Variants in NELL1 observed in about 807,000 individuals in gnomAD.
The protein encoded by NELL1 is protein kinase C-binding protein NELL1.
A neutral mutation model predicts 107.4 loss-of-function variants in NELL1; 76 were observed. That is an observed-to-expected ratio of 0.71 (90% CI 0.59 to 0.86). NELL1 has a LOEUF of 0.86. Among genes scored for constraint, NELL1 ranks in the 40% least tolerant of loss-of-function variants. The probability of loss-of-function intolerance (pLI) is 0.00; values close to 1 mark genes in which losing one functional copy is unlikely to be tolerated. For missense variants in NELL1, 1,024 were observed against 1,005.5 expected (o/e 1.02, Z -0.25); for synonymous variants, 353 against 341.2 (o/e 1.03, Z -0.38).
At chr11:21,558,672 G>A (rs953333575) in intron 16 of NELL1, among the ~76,000 whole-genome samples, 4 of 151,992 alleles carry the variant, frequency 2.6e-5, no homozygotes, top group Admixed American at 2.0e-4. Flanking sequence ...TGGGTATAGT[G>A]TATATAGAAG....
chr11:21,198,435 G>A (rs1232291190), intron 13 of NELL1, among the ~76,000 whole-genome samples: 2 of 152,176 alleles, frequency 1.3e-5, no homozygotes, highest in African/African-American at 4.8e-5. Context: ...ATAGGGACTG[G>A]GAGATATTAT....
intron 12 of NELL1, among the ~76,000 whole-genome samples, chr11:21,066,088 T>A (rs944118405): frequency 6.6e-6 from 1 of 152,220 alleles, no homozygotes; most frequent in Non-Finnish European, 1.5e-5. Context: ...TGTTCTTTTG[T>A]GCCCATTTGC....
chr11:21,205,001 A>G (rs1278787418), intron 13 of NELL1, among the ~76,000 whole-genome samples: 1 of 152,086 alleles, frequency 6.6e-6, no homozygotes, highest in African/African-American at 2.4e-5. Context: ...CCAGAGGGGT[A>G]CCCAACATAT....
chr11:20,781,074 A>C (rs905247068), intron 2 of NELL1, among the ~76,000 whole-genome samples: 1 of 152,176 alleles, frequency 6.6e-6, no homozygotes, highest in African/African-American at 2.4e-5. Flanking sequence ...GGCAGTATGG[A>C]AGCAGGAAGG....
chr11:21,575,281 TA>T lies in NELL1; in HGVS notation c.*262del, dbSNP rs1349192392. ...TTGTTAAAAGAAGTTTCCCGTGTTG[TA>T]AATCATGTTTCCCTTATCAGATCAT... On this transcript the variant is annotated 3_prime_UTR_variant, in exon 20 of 20. Transcript: ENST00000357134. The T allele has an allele frequency of 2.3e-6, 1 of 426,014 alleles. No individual in the cohort carries two copies. The highest frequency in any genetic ancestry group is 2.0e-5 in the African/African-American group (1 of 50,562). The allele number at this position is 426,014 out of a possible 1,614,324, so 26.4% of individuals were successfully genotyped here.
At chr11:21,454,017 C>T (rs1243434876) in intron 15 of NELL1, among the ~76,000 whole-genome samples, 21 of 147,864 alleles carry the variant, frequency 1.4e-4, no homozygotes, top group Non-Finnish European at 2.2e-4. Flanking sequence ...CATGCTGGTG[C>T]GCTGCACCCA....
chr11:21,236,810 C>A (rs1339975166), intron 14 of NELL1, among the ~76,000 whole-genome samples: 1 of 152,058 alleles, frequency 6.6e-6, no homozygotes, highest in Non-Finnish European at 1.5e-5. Context: ...ACGGTCAAGA[C>A]AACATGGGGG....
chr11:21,468,839 C>G (rs1854099705), intron 15 of NELL1, among the ~76,000 whole-genome samples: 1 of 151,958 alleles, frequency 6.6e-6, no homozygotes, highest in Non-Finnish European at 1.5e-5. Flanking sequence ...AGCAGGTTTG[C>G]AGAACACAGT....
intron 2 of NELL1, among the ~76,000 whole-genome samples, chr11:20,782,041 A>G (rs1261109919): frequency 1.3e-5 from 1 of 77,446 alleles, no homozygotes; most frequent in Non-Finnish European, 2.5e-5. Flanking sequence ...CCCTCATCTC[A>G]AAAAAAAAAA....
intron 14 of NELL1, among the ~76,000 whole-genome samples, chr11:21,271,726 C>T (rs766649991): frequency 5.1e-4 from 78 of 152,086 alleles, no homozygotes; most frequent in Admixed American, 4.2e-3. Context: ...AAATTCTCAA[C>T]AAAATATTAG....
chr11:20,986,636 T>C (rs1189488765), intron 12 of NELL1, among the ~76,000 whole-genome samples: 1 of 152,184 alleles, frequency 6.6e-6, no homozygotes, highest in Non-Finnish European at 1.5e-5. Context: ...TTCTAACAAG[T>C]TCCCAGAAGA....
chr11:21,406,776 C>A (rs1186891164), intron 15 of NELL1, among the ~76,000 whole-genome samples: 1 of 151,916 alleles, frequency 6.6e-6, no homozygotes, highest in Admixed American at 6.6e-5. Flanking sequence ...ATAATCATAT[C>A]AGAGTATTTA....
At chr11:21,171,005 C>G (rs1038110487) in intron 13 of NELL1, among the ~76,000 whole-genome samples, 3 of 151,820 alleles carry the variant, frequency 2.0e-5, no homozygotes, top group African/African-American at 7.3e-5. Flanking sequence ...AGAGACCATC[C>G]TACATGCAGG....
At chr11:20,799,831 T>C (rs1181212300) in intron 3 of NELL1, among the ~76,000 whole-genome samples, 1 of 152,158 alleles carries the variant, frequency 6.6e-6, no homozygotes, top group Non-Finnish European at 1.5e-5. Flanking sequence ...ATCCAATAGG[T>C]AGTTTTTTTA....
chr11:21,513,966 C>G (rs1855499139), intron 15 of NELL1, among the ~76,000 whole-genome samples: 1 of 152,158 alleles, frequency 6.6e-6, no homozygotes. Context: ...TAGGACTGAG[C>G]ATACCAATGC....
intron 14 of NELL1, among the ~76,000 whole-genome samples, chr11:21,330,112 G>C (rs1032212958): frequency 1.3e-5 from 2 of 151,786 alleles, no homozygotes; most frequent in Non-Finnish European, 2.9e-5. Context: ...CTTCAATATA[G>C]CTTTGCTCCT....
chr11:20,755,559 T>TATTTTTTTATTTATTTA (rs1554914196), intron 2 of NELL1, among the ~76,000 whole-genome samples: 1 of 17,668 alleles, frequency 5.7e-5, no homozygotes, highest in East Asian at 1.2e-3. Flanking sequence ...TGTTTTTGTT[T>TATTTTTTTATTTATTTA]TTGTTTTTTT....
chr11:21,528,915 T>G (rs892131000), intron 15 of NELL1, among the ~76,000 whole-genome samples: 1 of 152,136 alleles, frequency 6.6e-6, no homozygotes, highest in African/African-American at 2.4e-5. Flanking sequence ...GTTTTTTTCC[T>G]TGTTTGCTTG....
intron 14 of NELL1, among the ~76,000 whole-genome samples, chr11:21,229,745 C>A (rs560792098): frequency 6.6e-6 from 1 of 152,242 alleles, no homozygotes; most frequent in South Asian, 2.1e-4. Flanking sequence ...GCTTGGATTG[C>A]GGATATTGGC....
Sources: gnomAD v4.1 joint callset for allele counts (sites outside exome capture counted in the v4.1 genomes callset) on GRCh38, gnomAD v4.1.1 for gene constraint, MANE v1.5 for transcripts, NCBI Gene and HGNC (gene_info 2026-07-23, HGNC 2026-07-21) for gene names.